The following CEP57 variants were observed in gnomAD, a reference collection of about 807,000 sequenced individuals.
CEP57 encodes centrosomal protein 57.
Under a neutral mutation model 68.0 loss-of-function variants are expected in CEP57, and 40 were observed. The observed-to-expected ratio is 0.59, with a 90% CI of 0.46 to 0.77. The LOEUF is 0.77. CEP57 is among the 30% of genes least tolerant of loss of function. The pLI is 0.00. For missense variants in CEP57, 606 were observed against 580.7 expected (o/e 1.04, Z -0.45); for synonymous variants, 219 against 198.7 (o/e 1.10, Z -0.86).
At chr11:95,816,751 T>C (rs2135334035) in intron 4 of CEP57, among the ~76,000 whole-genome samples, 1 of 152,314 alleles carries the variant, frequency 6.6e-6, no homozygotes. Context: ...CTTGAGTTAG[T>C]ATATTTGAAA....
chr11:95,796,425 C>T (rs1361100828), intron 1 of CEP57, among the ~76,000 whole-genome samples: 2 of 152,140 alleles, frequency 1.3e-5, no homozygotes, highest in East Asian at 3.8e-4. Flanking sequence ...CTCCTTTCTA[C>T]GCAGCCTTCC....
chr11:95,811,373 T>C (rs957680932), intron 2 of CEP57, among the ~76,000 whole-genome samples: 1 of 134,562 alleles, frequency 7.4e-6, no homozygotes, highest in African/African-American at 2.9e-5. Flanking sequence ...AGGTGGGAAT[T>C]GAACAATGAG....
rs753268210 is a variant in CEP57, at chr11:95,827,759, CTTCT to C, written c.886-23_886-20del. The C allele has an allele frequency of 1.5e-5, 24 of 1,613,298 alleles. No individual in the cohort carries two copies. The East Asian group carries it at 4.9e-4, about 33-fold the overall frequency. The stretch of plus-strand genomic sequence containing the variant: ...GGTGTAGAGAATATAACTTCAATTA[CTTCT>C]TTCATCATTTTTCTTCCTTTAGTCC... On this transcript the variant is annotated intron_variant, in intron 8 of 10. Coordinates refer to ENST00000325542, the MANE Select transcript of CEP57 (RefSeq NM_014679.5).
At chr11:95,802,346 C>A (rs12791577) in intron 2 of CEP57, among the ~76,000 whole-genome samples, 3 of 151,566 alleles carry the variant, frequency 2.0e-5, no homozygotes, top group Non-Finnish European at 4.4e-5. Flanking sequence ...CCTCTGCCTC[C>A]CAGGTTCAAG....
At chr11:95,809,150 C>T (rs1381733022) in intron 2 of CEP57, among the ~76,000 whole-genome samples, 2 of 152,070 alleles carry the variant, frequency 1.3e-5, no homozygotes, top group Non-Finnish European at 2.9e-5. Flanking sequence ...TTCTTTGAAA[C>T]CAACGAGAAC....
chr11:95,830,958 T>C, intron 10 of CEP57, 68 bp from the exon 11 acceptor site: 9 of 1,239,492 alleles, frequency 7.3e-6, no homozygotes, highest in South Asian at 1.2e-5. Flanking sequence ...CTTGTACTTT[T>C]TGTTGTCAGA....
At chr11:95,798,828 C>CA (rs1406396499) in intron 1 of CEP57, among the ~76,000 whole-genome samples, 1 of 152,230 alleles carries the variant, frequency 6.6e-6, no homozygotes, top group East Asian at 1.9e-4. Flanking sequence ...TATAAATATT[C>CA]AAGTAGTAGT....
At chr11:95,791,581 G>C (rs895147876) in intron 1 of CEP57, among the ~76,000 whole-genome samples, 2 of 152,200 alleles carry the variant, frequency 1.3e-5, no homozygotes, top group Non-Finnish European at 2.9e-5. Context: ...CTTTGAAGGA[G>C]AAAAACACTG....
chr11:95,814,633 T>G (rs1862223555), intron 4 of CEP57, among the ~76,000 whole-genome samples: 1 of 152,232 alleles, frequency 6.6e-6, no homozygotes, highest in Non-Finnish European at 1.5e-5. Flanking sequence ...GTGCTGGAAT[T>G]ACAGGCATGA....
In CEP57 at chr11:95,832,071, T is replaced by TA. The variant is rs1274019462; in HGVS notation, c.*816dup. 3 of 152,138 alleles carry TA rather than the reference T, an allele frequency of 2.0e-5. No homozygotes were observed. Among genetic ancestry groups the TA allele is most frequent in the Admixed American group, 2.0e-4 (3 of 15,252 alleles). 9.4% of individuals were successfully genotyped at this position (152,138 alleles called of 1,614,324 possible). A position where few individuals can be genotyped will look rare whatever the true frequency, so the allele number is the denominator to read the frequency against. On this transcript the variant is annotated 3_prime_UTR_variant, in exon 11 of 11. Transcript: ENST00000325542. ...CATTATGGTTTTTAATCTTGAAACT[T>TA]AGAGAACCCTTTGAATATTTGCTTT...
intron 1 of CEP57, among the ~76,000 whole-genome samples, chr11:95,798,352 G>A (rs1861433533): frequency 6.6e-6 from 1 of 152,124 alleles, no homozygotes; most frequent in African/African-American, 2.4e-5. Context: ...TTTGTTTCAG[G>A]AGATTGTTTA....
intron 1 of CEP57, among the ~76,000 whole-genome samples, chr11:95,796,833 C>T (rs1861369294): frequency 6.6e-6 from 1 of 152,150 alleles, no homozygotes; most frequent in South Asian, 2.1e-4. Context: ...TTTCCAAGAA[C>T]GGCTCACAGT....
chr11:95,794,186 A>T (rs1338535290), intron 1 of CEP57: 1 of 446,790 alleles, frequency 2.2e-6, no homozygotes, highest in South Asian at 1.6e-5. Flanking sequence ...GCAAGGGGCA[A>T]CTCTAGGGCA....
intron 1 of CEP57, 49 bp downstream of exon 1, chr11:95,790,792 C>CT (rs149914918): frequency 2.5e-6 from 4 of 1,605,680 alleles, no homozygotes; most frequent in South Asian, 1.1e-5. Flanking sequence ...CTAAGCGCCT[C>CT]TTTGAGTTTC....
intron 1 of CEP57, among the ~76,000 whole-genome samples, chr11:95,798,550 C>T (rs1861442127): frequency 6.6e-6 from 1 of 152,164 alleles, no homozygotes; most frequent in Non-Finnish European, 1.5e-5. Context: ...TTAGTTACTT[C>T]CCCCAGTCTA....
intron 2 of CEP57, among the ~76,000 whole-genome samples, chr11:95,810,450 C>A (rs1050757047): frequency 9.2e-5 from 14 of 152,178 alleles, no homozygotes; most frequent in African/African-American, 2.7e-4. Flanking sequence ...ATTTAGAAAA[C>A]CCTATCGTCT....
At position 95,831,356 on chromosome 11, in the gene CEP57, T is replaced by A; in HGVS notation, c.*100T>A. The A allele has an allele frequency of 1.2e-6, 1 of 862,490 alleles. No individual in the cohort carries two copies. The highest frequency in any genetic ancestry group is 1.9e-6 in the Non-Finnish European group (1 of 526,166). 53.4% of individuals were successfully genotyped at this position (862,490 alleles called of 1,614,324 possible). A position where few individuals can be genotyped will look rare whatever the true frequency, so the allele number is the denominator to read the frequency against. ...GTCTCATACTCACTTATGTTGGAAT[T>A]AATTAATAGCAGGTGTTAAAGGACC... On this transcript the variant is annotated 3_prime_UTR_variant, in exon 11 of 11. Coordinates refer to ENST00000325542, the MANE Select transcript of CEP57 (RefSeq NM_014679.5).
intron 1 of CEP57, among the ~76,000 whole-genome samples, chr11:95,796,600 A>C (rs1430957860): frequency 6.6e-6 from 1 of 152,224 alleles, no homozygotes; most frequent in Admixed American, 6.5e-5. Context: ...GATTTATTGA[A>C]CATAATAAAA....
chr11:95,808,877 C>T (rs1861927038), intron 2 of CEP57, among the ~76,000 whole-genome samples: 1 of 152,180 alleles, frequency 6.6e-6, no homozygotes, highest in Non-Finnish European at 1.5e-5. Flanking sequence ...ACAGAACTCT[C>T]CACCCCAAAT....
Sources: allele counts gnomAD v4.1 joint callset (sites outside exome capture counted in the v4.1 genomes callset), GRCh38; gene constraint gnomAD v4.1.1; transcripts MANE v1.5; gene names NCBI Gene and HGNC (gene_info 2026-07-23, HGNC 2026-07-21).